Variants in DERA observed in about 807,000 individuals in gnomAD.
DERA encodes 2-deoxy-D-ribose 5-phosphate aldolase.
A neutral mutation model predicts 41.1 loss-of-function variants in DERA; 15 were observed. The ratio of observed to expected loss-of-function variants is 0.37; its 90% CI spans 0.24 to 0.56. The LOEUF (loss-of-function observed/expected upper bound fraction) is 0.56. Ranked by LOEUF, DERA falls within the 20% of genes least tolerant of loss-of-function variation. The pLI is 0.81. For missense variants in DERA, 396 were observed against 403.4 expected, an observed-to-expected ratio of 0.98 and a Z score of 0.16; for synonymous variants, 139 against 137.4, an observed-to-expected ratio of 1.01 and a Z score of -0.08.
In DERA at chr12:15,967,457, G is replaced by A. The variant is rs1053433210; in HGVS notation, c.508+4510G>A. ...ACAAACAAACAAAAACTATTAAAAA[G>A]TGTTTTCATTTCCCTGACTTTCTTA... On this transcript the variant is annotated intron_variant, in intron 5 of 8. Coordinates refer to ENST00000428559, the MANE Select transcript of DERA (RefSeq NM_015954.4). This position sits in a 1 kb window ranked among gnomAD's most constrained non-coding sequence, Gnocchi z 4.9. 9.9e-5 allele frequency among the ~76,000 whole-genome samples: 15 copies of A among 152,084 alleles called. No homozygotes were observed. The highest frequency in any genetic ancestry group is 1.6e-4 in the Non-Finnish European group (11 of 68,016).
In DERA at chr12:15,993,494, T is replaced by A. The variant is rs200483142; in HGVS notation, c.637+11058T>A. Among the ~76,000 whole-genome samples, 8,544 of 148,954 alleles carry A rather than the reference T, an allele frequency of 0.057. 759 individuals carry two copies. The highest frequency in any genetic ancestry group is 0.2 in the African/African-American group (7,764 of 39,100). ...GGTGTTGTGGCCTTTTTTTTTTTTT[T>A]TAAAAAAAATAAGATCTTGCCTTTC... is the stretch of plus-strand genomic sequence containing the variant. On this transcript the variant is annotated intron_variant, in intron 6 of 8. Transcript: ENST00000428559. The surrounding 1 kb of genome is among the most constrained non-coding windows in gnomAD (Gnocchi z 4.4).
intron 1 of DERA, among the ~76,000 whole-genome samples, chr12:15,944,177 C>T (rs976567045): frequency 4.6e-5 from 7 of 151,908 alleles, no homozygotes; most frequent in Non-Finnish European, 7.4e-5. Context: ...TGAATAGTGC[C>T]GCAATGAACA....
intron 6 of DERA, among the ~76,000 whole-genome samples, chr12:16,002,140 CT>C (rs1948879790): frequency 7.0e-6 from 1 of 143,614 alleles, no homozygotes; most frequent in Non-Finnish European, 1.5e-5. Context: ...CCCCCTCCCC[CT>C]TCCCCACAAC....
At chr12:15,956,267 A>G (rs1354839784) in intron 1 of DERA, among the ~76,000 whole-genome samples, 1 of 152,258 alleles carries the variant, frequency 6.6e-6, no homozygotes, top group Non-Finnish European at 1.5e-5. Context: ...GTTAACTGGA[A>G]GAGAAGAGAG....
At position 16,000,701 on chromosome 12, in the gene DERA, T is replaced by C. The variant is rs140134815; in HGVS notation, c.637+18265T>C. Among the ~76,000 whole-genome samples, 1 of 152,224 alleles carries C rather than the reference T, an allele frequency of 6.6e-6. No individual in the cohort carries two copies. The highest frequency in any genetic ancestry group is 1.5e-5 in the Non-Finnish European group (1 of 68,032). ...TCACACAAAGCCAGCAAAGGCTGTT[T>C]GTAGAACGTTAGCTGCTATCACACT... On this transcript the variant is annotated intron_variant, in intron 6 of 8. Transcript: ENST00000428559. This position sits in a 1 kb window ranked among gnomAD's most constrained non-coding sequence, Gnocchi z 4.8.
intron 6 of DERA, among the ~76,000 whole-genome samples, chr12:16,029,881 C>T (rs930892871): frequency 3.7e-5 from 5 of 134,942 alleles, no homozygotes; most frequent in African/African-American, 1.1e-4. Context: ...GAGATCATGC[C>T]TTGTTTTCAG....
intron 5 of DERA, among the ~76,000 whole-genome samples, chr12:15,978,563 T>C (rs1948713808): frequency 6.6e-6 from 1 of 152,198 alleles, no homozygotes; most frequent in South Asian, 2.1e-4. Context: ...TCCTAAATGT[T>C]TACACAACTA....
chr12:15,920,728 C>T (rs1369145884), intron 1 of DERA, among the ~76,000 whole-genome samples: 2 of 152,168 alleles, frequency 1.3e-5, no homozygotes, highest in Admixed American at 6.5e-5. Context: ...TCCAGCTACT[C>T]GCGAGGCTGA....
At position 15,921,144 on chromosome 12, in the gene DERA, TTGAGA is replaced by T. The variant is rs1948240677; in HGVS notation, c.31+9732_31+9736del. On this transcript the variant is annotated intron_variant, in intron 1 of 8. Transcript: ENST00000428559. This position sits in a 1 kb window ranked among gnomAD's most constrained non-coding sequence, Gnocchi z 5.3. ...GAAAGAAATAAGCCTTTTTATTTGA[TTGAGA>T]TAAGTGAAGAAATGTGTTAAAGTGA... Among the ~76,000 whole-genome samples the T allele has an allele frequency of 6.6e-6, 1 of 152,180 alleles. No homozygotes were observed. The highest frequency in any genetic ancestry group is 1.5e-5 in the Non-Finnish European group (1 of 68,040).
intron 5 of DERA, among the ~76,000 whole-genome samples, chr12:15,968,436 T>G (rs1565599632): frequency 6.6e-6 from 1 of 152,196 alleles, no homozygotes; most frequent in Non-Finnish European, 1.5e-5. Flanking sequence ...TGCTCTCTGA[T>G]AAAGATAGCA....
intron 1 of DERA, among the ~76,000 whole-genome samples, chr12:15,919,866 T>C (rs533078935): frequency 1.3e-5 from 2 of 152,320 alleles, no homozygotes; most frequent in Non-Finnish European, 2.9e-5. Flanking sequence ...TGCTAAGGTC[T>C]TTAAAGTCTG....
chr12:15,973,316 A>T (rs558138542), intron 5 of DERA, among the ~76,000 whole-genome samples: 1 of 147,782 alleles, frequency 6.8e-6, no homozygotes, highest in East Asian at 2.0e-4. Context: ...TTAATGTGAC[A>T]TCACTATGCC....
In DERA at chr12:16,008,393, G is replaced by A. The variant is rs1050412470; in HGVS notation, c.638-24149G>A. Reference sequence around the variant, plus strand: ...TCTGACTCCTGTCTGATTTGCCAGTGTAGATGGGGTGGGGAATTACCTGCA... The same window carrying A: ...TCTGACTCCTGTCTGATTTGCCAGTATAGATGGGGTGGGGAATTACCTGCA... On this transcript the variant is annotated intron_variant, in intron 6 of 8. Transcript: ENST00000428559. The surrounding 1 kb of genome is among the most constrained non-coding windows in gnomAD (Gnocchi z 4.8). Among the ~76,000 whole-genome samples the A allele has an allele frequency of 3.9e-5, 6 of 152,198 alleles. No individual in the cohort carries two copies. The highest frequency in any genetic ancestry group is 1.4e-4 in the African/African-American group (6 of 41,444).
At position 15,921,410 on chromosome 12, in the gene DERA, C is replaced by G. The variant is rs1948243470; in HGVS notation, c.31+9996C>G. On this transcript the variant is annotated intron_variant, in intron 1 of 8. Transcript: ENST00000428559. This position sits in a 1 kb window ranked among gnomAD's most constrained non-coding sequence, Gnocchi z 5.3. ...CCATTAGCTGAAGATGTGAGATTAACCAGAAAGAGTAATTCCGTTAATTTT... is the reference window on the plus strand; with the variant it reads ...CCATTAGCTGAAGATGTGAGATTAAGCAGAAAGAGTAATTCCGTTAATTTT... 1.3e-5 allele frequency among the ~76,000 whole-genome samples: 2 copies of G among 151,924 alleles called. No homozygotes were observed. The highest frequency in any genetic ancestry group is 4.2e-4 in the South Asian group (2 of 4,796).
At position 15,911,634 on chromosome 12, in the gene DERA, G is replaced by A; in HGVS notation, c.31+220G>A. 1.4e-6 allele frequency: 1 copy of A among 696,872 alleles called. No homozygotes were observed. The allele number at this position is 696,872 out of a possible 1,614,324, so 43.2% of individuals were successfully genotyped here. On this transcript the variant is annotated intron_variant, in intron 1 of 8. Coordinates refer to ENST00000428559, the MANE Select transcript of DERA (RefSeq NM_015954.4). The surrounding 1 kb of genome is among the most constrained non-coding windows in gnomAD (Gnocchi z 4.5). ...TGCACCTAAGCTTTTACTCTTGTAT[G>A]CGGAAGGAGTAGGAAAGGGTTAGAT...
rs1948955050 is a variant in DERA, at chr12:16,012,769, T to A, written c.638-19773T>A. ...TCTCATTGAAGCTCTGTAAAAATGC[T>A]GTTGAACAGATATATTTAATTTAAA... is the stretch of plus-strand genomic sequence containing the variant. On this transcript the variant is annotated intron_variant, in intron 6 of 8. Transcript: ENST00000428559. The surrounding 1 kb of genome is among the most constrained non-coding windows in gnomAD (Gnocchi z 4.1). 6.6e-6 allele frequency among the ~76,000 whole-genome samples: 1 copy of A among 152,218 alleles called. No homozygotes were observed. The highest frequency in any genetic ancestry group is 1.5e-5 in the Non-Finnish European group (1 of 68,042).
At position 15,976,127 on chromosome 12, in the gene DERA, A is replaced by T. The variant is rs774989641; in HGVS notation, c.509-6181A>T. 1.3e-5 allele frequency among the ~76,000 whole-genome samples: 2 copies of T among 151,678 alleles called. No homozygotes were observed. Among genetic ancestry groups the T allele is most frequent in the Non-Finnish European group, 2.9e-5 (2 of 67,916 alleles). ...AACTTCACACTATAACCTCTATTACACTCCAGCATTGCATGGTTTATTCTT... is the reference window on the plus strand; with the variant it reads ...AACTTCACACTATAACCTCTATTACTCTCCAGCATTGCATGGTTTATTCTT... On this transcript the variant is annotated intron_variant, in intron 5 of 8. Transcript: ENST00000428559. The surrounding 1 kb of genome is among the most constrained non-coding windows in gnomAD (Gnocchi z 4.1).
intron 1 of DERA, among the ~76,000 whole-genome samples, chr12:15,948,833 T>C (rs1948472578): frequency 6.6e-6 from 1 of 152,214 alleles, no homozygotes; most frequent in South Asian, 2.1e-4. Context: ...TGTGGTTTCA[T>C]CTACCTTTGG....
At chr12:15,963,768 C>T (rs1048391096) in intron 5 of DERA, among the ~76,000 whole-genome samples, 5 of 152,228 alleles carry the variant, frequency 3.3e-5, no homozygotes, top group Admixed American at 3.3e-4. Flanking sequence ...AGGCTATTCC[C>T]ACACTCCTTT....
Sources: allele counts gnomAD v4.1 joint callset (sites outside exome capture counted in the v4.1 genomes callset), GRCh38; gene constraint gnomAD v4.1.1; non-coding constraint Gnocchi (gnomAD v3.1); transcripts MANE v1.5; gene names NCBI Gene and HGNC (gene_info 2026-07-23, HGNC 2026-07-21).